CDH13: variants seen among roughly 807,000 people sequenced by gnomAD.
CDH13 encodes the protein cadherin 13, also known as cadherin-13.
In CDH13, 24 loss-of-function variants were observed where a neutral mutation model predicts 63.8. The observed-to-expected ratio is 0.38, with a 90% CI of 0.27 to 0.53. The LOEUF (loss-of-function observed/expected upper bound fraction) is 0.53, where lower values mean the gene tolerates loss of function less well. Ranked by LOEUF, CDH13 falls within the 20% of genes least tolerant of loss-of-function variation. CDH13 has a pLI of 0.85. For synonymous variants in CDH13, 503 were observed against 355.3 expected (o/e 1.42, Z -4.67); for missense variants, 1,049 against 903.1 (o/e 1.16, Z -2.07).
chr16:83,215,524 C>T (rs908563019), intron 4 of CDH13, among the ~76,000 whole-genome samples: 1 of 149,590 alleles, frequency 6.7e-6, no homozygotes, highest in African/African-American at 2.5e-5. Flanking sequence ...CCTGTAATGC[C>T]TTGAGTGATC....
intron 2 of CDH13, among the ~76,000 whole-genome samples, chr16:82,909,827 C>T (rs1435805241): frequency 2.6e-5 from 4 of 152,116 alleles, no homozygotes; most frequent in South Asian, 2.1e-4. Context: ...AGATGTACTT[C>T]GCATATCATG....
At chr16:82,657,284 A>C (rs1911409883) in intron 1 of CDH13, among the ~76,000 whole-genome samples, 1 of 152,222 alleles carries the variant, frequency 6.6e-6, no homozygotes, top group Non-Finnish European at 1.5e-5. Context: ...ATATGTTGTA[A>C]TAAAAGTTAC....
At chr16:82,726,045 A>G (rs763854125) in intron 1 of CDH13, among the ~76,000 whole-genome samples, 4 of 152,176 alleles carry the variant, frequency 2.6e-5, no homozygotes, top group Non-Finnish European at 5.9e-5. Context: ...TCAGCTGCTT[A>G]GGGAACTGGT....
chr16:83,734,859 G>T (rs993813066), intron 10 of CDH13, among the ~76,000 whole-genome samples: 1 of 151,956 alleles, frequency 6.6e-6, no homozygotes, highest in Non-Finnish European at 1.5e-5. Context: ...TCATTATCCA[G>T]AGGCAGTGGT....
At chr16:83,520,410 G>A (rs908500438) in intron 7 of CDH13, among the ~76,000 whole-genome samples, 1 of 152,166 alleles carries the variant, frequency 6.6e-6, no homozygotes. Flanking sequence ...TGGAGACTGG[G>A]AATGTTCTCT....
Position 83,139,157 on chromosome 16 carries a change from A to G in CDH13, c.483+13656A>G, listed in dbSNP as rs537321977. Among the ~76,000 whole-genome samples the G allele has an allele frequency of 2.0e-5, 3 of 152,248 alleles. No individual in the cohort carries two copies. In the South Asian group the frequency reaches 6.2e-4, roughly 32 times the overall value. ...GGTGACAGATCCACCTGCGTGCTGT[A>G]TGTTGCATGGAGGTGGGCGAACAGG... On this transcript the variant is annotated intron_variant, in intron 4 of 13. Coordinates refer to ENST00000567109, the MANE Select transcript of CDH13 (RefSeq NM_001257.5).
chr16:83,541,271 G>C (rs532381381), intron 7 of CDH13, among the ~76,000 whole-genome samples: 1 of 152,262 alleles, frequency 6.6e-6, no homozygotes, highest in East Asian at 1.9e-4. Flanking sequence ...ATAATATTGA[G>C]GCATTGAAAA....
chr16:83,164,339 C>T (rs1318814731), intron 4 of CDH13, among the ~76,000 whole-genome samples: 1 of 151,906 alleles, frequency 6.6e-6, no homozygotes, highest in East Asian at 1.9e-4. Flanking sequence ...CACCACACAT[C>T]ACATACCACA....
chr16:83,447,388 C>T (rs145688908), intron 6 of CDH13, among the ~76,000 whole-genome samples: 8,694 of 151,870 alleles, frequency 0.057, 839 homozygotes, highest in African/African-American at 0.2. Context: ...GCACTCCAGC[C>T]TGGGCTACAA....
At chr16:83,338,388 T>C (rs1467956554) in intron 5 of CDH13, among the ~76,000 whole-genome samples, 1 of 152,212 alleles carries the variant, frequency 6.6e-6, no homozygotes, top group Non-Finnish European at 1.5e-5. Flanking sequence ...TTCCAGTCTC[T>C]TAAAGAGGCA....
At chr16:83,383,545 G>A (rs1029383999) in intron 6 of CDH13, among the ~76,000 whole-genome samples, 6 of 152,088 alleles carry the variant, frequency 3.9e-5, no homozygotes, top group African/African-American at 1.4e-4. Context: ...TCTACTGCAA[G>A]GAAGACTGTT....
chr16:83,263,151 G>A (rs1041337022), intron 5 of CDH13, among the ~76,000 whole-genome samples: 1 of 152,176 alleles, frequency 6.6e-6, no homozygotes, highest in Non-Finnish European at 1.5e-5. Context: ...AACAGGAGTC[G>A]AGCTCATCGC....
Position 83,205,033 on chromosome 16 carries a change from G to T in CDH13, c.484-12312G>T, listed in dbSNP as rs149248069. Among the ~76,000 whole-genome samples the T allele has an allele frequency of 1.6e-3, 241 of 152,350 alleles. 1 individual carries two copies. The highest frequency in any genetic ancestry group is 5.4e-3 in the African/African-American group (226 of 41,576). ...AAGAACACTGCTGTGTGCCCAGAAGGATAGGAGCCCACAGGGGCTGAGGCA... is the reference window on the plus strand; with the variant it reads ...AAGAACACTGCTGTGTGCCCAGAAGTATAGGAGCCCACAGGGGCTGAGGCA... On this transcript the variant is annotated intron_variant, in intron 4 of 13. Transcript: ENST00000567109.
intron 7 of CDH13, among the ~76,000 whole-genome samples, chr16:83,601,802 G>C (rs1182222808): frequency 6.6e-6 from 1 of 151,948 alleles, no homozygotes. Context: ...AACATTAAAG[G>C]ACAACGTAGG....
chr16:83,701,508 T>C (rs1906224981), intron 10 of CDH13, among the ~76,000 whole-genome samples: 1 of 152,138 alleles, frequency 6.6e-6, no homozygotes, highest in Non-Finnish European at 1.5e-5. Flanking sequence ...TGAACATGCT[T>C]TCGCCGTGTG....
chr16:83,205,843 T>A (rs1291283827), intron 4 of CDH13, among the ~76,000 whole-genome samples: 1 of 152,074 alleles, frequency 6.6e-6, no homozygotes, highest in Non-Finnish European at 1.5e-5. Flanking sequence ...GACCTTGTGA[T>A]CCACCCGTCT....
At chr16:82,799,707 C>T (rs1453357289) in intron 1 of CDH13, among the ~76,000 whole-genome samples, 1 of 152,154 alleles carries the variant, frequency 6.6e-6, no homozygotes, top group Non-Finnish European at 1.5e-5. Context: ...TTATAATTAA[C>T]AGAGACATTT....
chr16:82,628,263 G>A (rs1907593959), intron 1 of CDH13, among the ~76,000 whole-genome samples: 1 of 152,170 alleles, frequency 6.6e-6, no homozygotes, highest in Non-Finnish European at 1.5e-5. Context: ...AGCCAGGGCA[G>A]GGCAGGGCCG....
At chr16:83,099,524 A>C (rs750957644) in intron 3 of CDH13, among the ~76,000 whole-genome samples, 1 of 151,338 alleles carries the variant, frequency 6.6e-6, no homozygotes, top group Non-Finnish European at 1.5e-5. Flanking sequence ...GGGTTTTGCC[A>C]TGTTGGCCAG....
Sources: gnomAD v4.1 joint callset for allele counts (sites outside exome capture counted in the v4.1 genomes callset) on GRCh38, gnomAD v4.1.1 for gene constraint, MANE v1.5 for transcripts, NCBI Gene and HGNC (gene_info 2026-07-23, HGNC 2026-07-21) for gene names.